The following PRCD variants were observed in gnomAD, a reference collection of about 807,000 sequenced individuals.
The protein encoded by PRCD is photoreceptor disc component, also known as photoreceptor disk component PRCD.
Under a neutral mutation model 10.1 loss-of-function variants are expected in PRCD, and 12 were observed. The ratio of observed to expected loss-of-function variants is 1.18; its 90% CI spans 0.76 to 1.92. PRCD has a LOEUF of 1.92. Among genes scored for constraint, PRCD ranks in the 40% most tolerant of loss-of-function variants. The pLI, the probability that PRCD is intolerant of heterozygous loss-of-function variation, is 0.00. For missense variants in PRCD, 61 were observed against 72.2 expected, an observed-to-expected ratio of 0.84 and a Z score of 0.56; for synonymous variants, 31 against 26.2, an observed-to-expected ratio of 1.18 and a Z score of -0.56.
At chr17:76,552,871 A>AT (rs1305124312) in intron 1 of PRCD, 1 of 126,556 alleles carries the variant, frequency 7.9e-6, no homozygotes, top group African/African-American at 3.3e-5. Flanking sequence ...TCTCAAAAAA[A>AT]AAAAAAAAAA....
In PRCD at chr17:76,544,898, G is replaced by A. The variant is rs751579831; in HGVS notation, c.*1248G>A. On this transcript the variant is annotated 3_prime_UTR_variant, in exon 5 of 5. Transcript: ENST00000592014. ...CTTCCCCAGGGCAGCGCCCCTCCAC[G>A]CCACTGTTCCGAGAACCTGCGCAGG... The A allele has an allele frequency of 7.7e-5, 35 of 456,662 alleles. No individual in the cohort carries two copies. Among genetic ancestry groups the A allele is most frequent in the African/African-American group, 6.4e-4 (32 of 50,104 alleles). The allele number at this position is 456,662 out of a possible 1,614,324, so 28.3% of individuals were successfully genotyped here.
intron 1 of PRCD, among the ~76,000 whole-genome samples, chr17:76,534,163 TC>T (rs2074887272): frequency 6.7e-6 from 1 of 149,106 alleles, no homozygotes; most frequent in African/African-American, 2.5e-5. Context: ...TCTCTCTCTC[TC>T]TCTCTCTCTC....
chr17:76,545,227 C>T lies in PRCD; in HGVS notation c.*1577C>T, dbSNP rs994718453. ...TGCAGCTCCTGCTGCAGAAAGTTAC[C>T]TCTCTCAGCCTAGAGCTCCCCACAG... On this transcript the variant is annotated 3_prime_UTR_variant, in exon 5 of 5. Coordinates refer to ENST00000592014, the MANE Select transcript of PRCD (RefSeq NM_001077620.3). 7 of 456,666 alleles carry T rather than the reference C, an allele frequency of 1.5e-5. No individual in the cohort carries two copies. The highest frequency in any genetic ancestry group is 2.6e-5 in the Non-Finnish European group (6 of 226,992). The allele number at this position is 456,666 out of a possible 1,614,324, so 28.3% of individuals were successfully genotyped here.
chr17:76,531,189 G>C lies in PRCD; in HGVS notation n.45+3356G>C. On this transcript the variant is annotated intron_variant and non_coding_transcript_variant, in intron 1 of 4. Coordinates refer to the PRCD transcript ENST00000397633. The surrounding 1 kb of genome is among the most constrained non-coding windows in gnomAD (Gnocchi z 7.4). ...GGGAGTGAACGCCCGGGCGCCCTGC[G>C]TCCTGCAACCCCCAGGCCCCTCCGC... 1.9e-6 allele frequency: 3 copies of C among 1,578,834 alleles called. No individual in the cohort carries two copies. The highest frequency in any genetic ancestry group is 2.6e-6 in the Non-Finnish European group (3 of 1,156,038).
upstream of PRCD, chr17:76,537,853 G>T (rs1020123761): frequency 6.6e-6 from 1 of 151,926 alleles, no homozygotes; most frequent in African/African-American, 2.4e-5. Context: ...AGCCAATGCC[G>T]GCAAGGTGAA....
At position 76,530,862 on chromosome 17, in the gene PRCD, C is replaced by G; in HGVS notation, n.45+3029C>G. ...ATGTCAGACCCCAGGGTTGGCCTGCCTCAAGTGTGCCTGCCCAGGTGATCA... is the reference window on the plus strand; with the variant it reads ...ATGTCAGACCCCAGGGTTGGCCTGCGTCAAGTGTGCCTGCCCAGGTGATCA... On this transcript the variant is annotated intron_variant and non_coding_transcript_variant, in intron 1 of 4. Coordinates refer to the PRCD transcript ENST00000397633. This position sits in a 1 kb window ranked among gnomAD's most constrained non-coding sequence, Gnocchi z 6.1. 1 of 1,240,602 alleles carries G rather than the reference C, an allele frequency of 8.1e-7. No individual in the cohort carries two copies. The highest frequency in any genetic ancestry group is 1.1e-6 in the Non-Finnish European group (1 of 912,738). The allele number at this position is 1,240,602 out of a possible 1,614,324, so 76.8% of individuals were successfully genotyped here. A position where few individuals can be genotyped will look rare whatever the true frequency, so the allele number is the denominator to read the frequency against.
chr17:76,540,258 GGGGGGCAT>G lies in PRCD; in HGVS notation c.74+48_74+55del. 1 of 1,100,862 alleles carries G rather than the reference GGGGGGCAT, an allele frequency of 9.1e-7. No homozygotes were observed. The highest frequency in any genetic ancestry group is 1.4e-6 in the Non-Finnish European group (1 of 739,878). The allele number at this position is 1,100,862 out of a possible 1,614,324, so 68.2% of individuals were successfully genotyped here. ...CTATGGCTGGCGGTTGGTCGGGGGG[GGGGGGCAT>G]GGGGCTGGGCTGCCACCAAGCTGAA... On this transcript the variant is annotated intron_variant, in intron 1 of 4. Coordinates refer to ENST00000592014, the MANE Select transcript of PRCD (RefSeq NM_001077620.3). This position sits in a 1 kb window ranked among gnomAD's most constrained non-coding sequence, Gnocchi z 5.0.
chr17:76,536,130 C>T (rs1304859923), upstream of PRCD, among the ~76,000 whole-genome samples: 1 of 152,206 alleles, frequency 6.6e-6, no homozygotes, highest in African/African-American at 2.4e-5. Flanking sequence ...CTGCCACTCC[C>T]GACTGTGTTT....
At chr17:76,539,777 C>T (rs557995488), upstream of PRCD, among the ~76,000 whole-genome samples, 27 of 152,332 alleles carry the variant, frequency 1.8e-4, no homozygotes, top group Admixed American at 4.6e-4. Context: ...GCCCTGTAGG[C>T]GCCTTGAATA....
chr17:76,553,551 T>G (rs2075130859), exon 2 of PRCD: 1 of 152,216 alleles, frequency 6.6e-6, no homozygotes, highest in Non-Finnish European at 1.5e-5. Context: ...TTAATAAAAT[T>G]AAAGATTGCT....
At chr17:76,543,246 C>G (rs769464726) in intron 4 of PRCD, 125 bp downstream of exon 4, 1 of 367,700 alleles carries the variant, frequency 2.7e-6, no homozygotes, top group African/African-American at 2.1e-5. Context: ...TGCTCTCGGA[C>G]GGGCTTCCTT....
chr17:76,534,176 C>CTCTCTCTA (rs1555623595), intron 1 of PRCD, among the ~76,000 whole-genome samples: 1 of 126,038 alleles, frequency 7.9e-6, no homozygotes, highest in Non-Finnish European at 1.7e-5. Flanking sequence ...CTCTCTCTCT[C>CTCTCTCTA]TTTCTTTCTT....
intron 1 of PRCD, among the ~76,000 whole-genome samples, chr17:76,532,871 G>C (rs1210518110): frequency 1.3e-5 from 2 of 152,146 alleles, no homozygotes; most frequent in African/African-American, 4.8e-5. Context: ...CCCTGTCGGG[G>C]CTGGATGTCA....
chr17:76,529,685 T>C (rs2074811676), intron 1 of PRCD: 3 of 985,272 alleles, frequency 3.0e-6, no homozygotes, highest in Non-Finnish European at 3.6e-6. Flanking sequence ...CCTCTTCCCC[T>C]GTCTTTTCCC....
chr17:76,537,577 G>C, upstream of PRCD: 1 of 1,256,964 alleles, frequency 8.0e-7, no homozygotes, highest in Non-Finnish European at 1.0e-6. Flanking sequence ...TTTGCTCGGC[G>C]GCGGCGGTGG....
At chr17:76,534,431 G>A (rs1270406942) in intron 1 of PRCD, among the ~76,000 whole-genome samples, 3 of 152,032 alleles carry the variant, frequency 2.0e-5, no homozygotes, top group Admixed American at 6.6e-5. Context: ...TGCCTGCCTC[G>A]GCCTCACAAA....
intron 4 of PRCD, 137 bp from the exon 5 acceptor site, chr17:76,543,666 G>A: frequency 2.3e-6 from 1 of 438,190 alleles, no homozygotes; most frequent in Non-Finnish European, 4.7e-6. Flanking sequence ...GTTTGCAGGG[G>A]TTGGGGGTGG....
chr17:76,532,948 G>A (rs554960821), intron 1 of PRCD, among the ~76,000 whole-genome samples: 5 of 152,322 alleles, frequency 3.3e-5, no homozygotes, highest in African/African-American at 9.6e-5. Context: ...AAAATGTATG[G>A]AGTGGCCTGG....
Position 76,540,351 on chromosome 17 carries a change from G to C in PRCD, c.74+136G>C. 7.8e-7 allele frequency: 1 copy of C among 1,282,990 alleles called. No homozygotes were observed. The highest frequency in any genetic ancestry group is 1.2e-5 in the South Asian group (1 of 80,522). The allele number at this position is 1,282,990 out of a possible 1,614,324, so 79.5% of individuals were successfully genotyped here. Reference sequence around the variant, plus strand: ...TGGGAGGGCATTTTGAGGAACCCTTGAGAGAGCACAGTCTCAGAGCAGGGG... The same window carrying C: ...TGGGAGGGCATTTTGAGGAACCCTTCAGAGAGCACAGTCTCAGAGCAGGGG... On this transcript the variant is annotated intron_variant, in intron 1 of 4. Transcript: ENST00000592014. The surrounding 1 kb of genome is among the most constrained non-coding windows in gnomAD (Gnocchi z 5.0).
Sources: gnomAD v4.1 joint callset for allele counts (sites outside exome capture counted in the v4.1 genomes callset) on GRCh38, gnomAD v4.1.1 for gene constraint, Gnocchi (gnomAD v3.1) non-coding constraint, MANE v1.5 for transcripts, NCBI Gene and HGNC (gene_info 2026-07-23, HGNC 2026-07-21) for gene names.